The following FHIT variants were observed in gnomAD, a reference collection of about 807,000 sequenced individuals.
FHIT encodes fragile histidine triad diadenosine triphosphatase.
In FHIT, 19 loss-of-function variants were observed where a neutral mutation model predicts 17.9. The observed-to-expected ratio is 1.06, with a 90% CI of 0.74 to 1.56. FHIT has a LOEUF of 1.56. FHIT is among the 40% of genes most tolerant of loss of function. FHIT has a pLI of 0.00. For synonymous variants in FHIT, 81 were observed against 69.7 expected (o/e 1.16, Z -0.81); for missense variants, 248 against 189.2 (o/e 1.31, Z -1.82).
Position 61,219,473 on chromosome 3 carries a change from C to T in FHIT, c.-212-18808G>A, listed in dbSNP as rs181252821. Reference sequence around the variant, plus strand: ...TCAGGAATAGCCACTCAAATTAGCCCTCTCTTTCCCATGTTTTCCTTGACC... The same window carrying T: ...TCAGGAATAGCCACTCAAATTAGCCTTCTCTTTCCCATGTTTTCCTTGACC... On this transcript the variant is annotated intron_variant, in intron 1 of 9. Coordinates refer to ENST00000492590, the MANE Select transcript of FHIT (RefSeq NM_002012.4). 1.6e-3 allele frequency among the ~76,000 whole-genome samples: 240 copies of T among 152,162 alleles called. 1 individual carries two copies. The highest frequency in any genetic ancestry group is 2.5e-3 in the Non-Finnish European group (169 of 67,994).
intron 3 of FHIT, among the ~76,000 whole-genome samples, chr3:60,961,806 G>C (rs1553780998): frequency 6.6e-6 from 1 of 152,198 alleles, no homozygotes; most frequent in Admixed American, 6.5e-5. Context: ...TTTTGTACCA[G>C]TACCATGCTG....
chr3:60,037,392 T>C (rs1701262107), intron 5 of FHIT, among the ~76,000 whole-genome samples: 1 of 26,402 alleles, frequency 3.8e-5, no homozygotes, highest in African/African-American at 8.6e-5. Context: ...AAGTCTTTCT[T>C]TTTTTTTTTT....
chr3:60,047,939 G>A (rs1338205181), intron 5 of FHIT, among the ~76,000 whole-genome samples: 1 of 152,152 alleles, frequency 6.6e-6, no homozygotes, highest in Non-Finnish European at 1.5e-5. Flanking sequence ...ACCGTGAGTT[G>A]GGTGGCTTAA....
intron 5 of FHIT, among the ~76,000 whole-genome samples, chr3:60,396,831 TAGAA>T (rs1336214473): frequency 6.6e-6 from 1 of 152,108 alleles, no homozygotes; most frequent in Admixed American, 6.6e-5. Context: ...AATGAAAAAA[TAGAA>T]AGTTTAAATT....
intron 5 of FHIT, among the ~76,000 whole-genome samples, chr3:60,367,147 G>A (rs1281435926): frequency 6.6e-6 from 1 of 152,130 alleles, no homozygotes; most frequent in Non-Finnish European, 1.5e-5. Flanking sequence ...CATAGATAAT[G>A]GGCTGGCCCT....
intron 5 of FHIT, among the ~76,000 whole-genome samples, chr3:60,440,650 T>C (rs72876876): frequency 3.5e-4 from 53 of 152,172 alleles, no homozygotes; most frequent in African/African-American, 1.2e-3. Context: ...ATCCAAACTA[T>C]ATAACCCAAA....
chr3:60,089,364 C>A (rs1305382573), intron 5 of FHIT, among the ~76,000 whole-genome samples: 1 of 152,010 alleles, frequency 6.6e-6, no homozygotes, highest in Non-Finnish European at 1.5e-5. Flanking sequence ...ACTATGAGTT[C>A]TGTGGGGGAA....
At chr3:59,951,968 T>C (rs946497401) in intron 7 of FHIT, among the ~76,000 whole-genome samples, 4 of 152,170 alleles carry the variant, frequency 2.6e-5, no homozygotes, top group African/African-American at 9.7e-5. Flanking sequence ...TTTTGTCATG[T>C]TGACATCATG....
chr3:61,217,553 T>A (rs1342620009), intron 1 of FHIT, among the ~76,000 whole-genome samples: 1 of 152,074 alleles, frequency 6.6e-6, no homozygotes, highest in Admixed American at 6.5e-5. Context: ...CATAACACCA[T>A]TTACACTGCA....
At chr3:60,809,892 C>A (rs1048194431) in intron 4 of FHIT, among the ~76,000 whole-genome samples, 1 of 152,134 alleles carries the variant, frequency 6.6e-6, no homozygotes, top group Non-Finnish European at 1.5e-5. Context: ...GCTTTTAAAG[C>A]ACTTTACCCC....
intron 8 of FHIT, among the ~76,000 whole-genome samples, chr3:59,777,145 C>G (rs929230085): frequency 6.6e-6 from 1 of 152,132 alleles, no homozygotes; most frequent in Non-Finnish European, 1.5e-5. Flanking sequence ...TATCCACCTT[C>G]GAAATGTCAG....
At chr3:60,530,081 C>A (rs2035719479) in intron 5 of FHIT, among the ~76,000 whole-genome samples, 3 of 152,188 alleles carry the variant, frequency 2.0e-5, no homozygotes, top group African/African-American at 7.2e-5. Flanking sequence ...CCCACCCCAT[C>A]CCATGCACAG....
At chr3:60,355,766 C>T (rs559052088) in intron 5 of FHIT, among the ~76,000 whole-genome samples, 23 of 152,178 alleles carry the variant, frequency 1.5e-4, no homozygotes, top group Middle Eastern at 3.4e-3. Flanking sequence ...CAAATGTCAA[C>T]GAAGTAACTC....
At position 60,120,681 on chromosome 3, in the gene FHIT, A is replaced by C. The variant is rs1576144962; in HGVS notation, c.104-106529T>G. ...TTGAACAGCCTATTTTAAAATATTC[A>C]ATATCATCTTCAGCAATAGGCAAGT... On this transcript the variant is annotated intron_variant, in intron 5 of 9. Transcript: ENST00000492590. 2.6e-5 allele frequency among the ~76,000 whole-genome samples: 4 copies of C among 152,096 alleles called. No individual in the cohort carries two copies. In the East Asian group the frequency reaches 7.7e-4, roughly 29 times the overall value.
rs1324914613 is a variant in FHIT, at chr3:60,027,130, C to A, written c.104-12978G>T. Among the ~76,000 whole-genome samples the A allele has an allele frequency of 1.5e-3, 190 of 125,956 alleles. 1 individual carries two copies. The highest frequency in any genetic ancestry group is 0.011 in the Middle Eastern group (3 of 262). The allele number at this position is 125,956 out of a possible 152,430, so 82.6% of individuals were successfully genotyped here. A position where few individuals can be genotyped will look rare whatever the true frequency, so the allele number is the denominator to read the frequency against. On this transcript the variant is annotated intron_variant, in intron 5 of 9. Coordinates refer to ENST00000492590, the MANE Select transcript of FHIT (RefSeq NM_002012.4). ...ACAGACACACACACACACACACACACACACACACACACACACACAAAATTA... is the reference window on the plus strand; with the variant it reads ...ACAGACACACACACACACACACACAAACACACACACACACACACAAAATTA...
chr3:61,008,539 A>T (rs564605350), intron 3 of FHIT, among the ~76,000 whole-genome samples: 1 of 150,884 alleles, frequency 6.6e-6, no homozygotes, highest in African/African-American at 2.4e-5. Flanking sequence ...AGCCTCCCTG[A>T]TAGAGGTGGT....
At chr3:60,177,232 A>G (rs1419895030) in intron 5 of FHIT, among the ~76,000 whole-genome samples, 1 of 151,716 alleles carries the variant, frequency 6.6e-6, no homozygotes, top group Non-Finnish European at 1.5e-5. Flanking sequence ...GGAAGGAGAG[A>G]GAGGGTCAGG....
chr3:61,110,169 C>T (rs923307928), intron 2 of FHIT, among the ~76,000 whole-genome samples: 1 of 152,190 alleles, frequency 6.6e-6, no homozygotes, highest in African/African-American at 2.4e-5. Flanking sequence ...CCCTCACGCT[C>T]TTGTTCCCAA....
chr3:59,771,467 C>A lies in FHIT; in HGVS notation c.349-19146G>T, dbSNP rs567356232. Among the ~76,000 whole-genome samples the A allele has an allele frequency of 5.3e-4, 80 of 152,330 alleles. 3 individuals are homozygous for A. The Middle Eastern group carries it at 0.01, about 19-fold the overall frequency. ...CCAGATAAAGAAGGGAGGTCAGGTT[C>A]ATTGAGGGCCTATTACATTTGGGGT... is the stretch of plus-strand genomic sequence containing the variant. On this transcript the variant is annotated intron_variant, in intron 8 of 9. Transcript: ENST00000492590.
Sources: gnomAD v4.1 joint callset for allele counts (sites outside exome capture counted in the v4.1 genomes callset) on GRCh38, gnomAD v4.1.1 for gene constraint, MANE v1.5 for transcripts, NCBI Gene and HGNC (gene_info 2026-07-23, HGNC 2026-07-21) for gene names.